The following SEMA3E variants were observed in gnomAD, a reference collection of about 807,000 sequenced individuals.
SEMA3E encodes semaphorin-3E.
SEMA3E carries 49 observed loss-of-function variants against 93.6 expected under a neutral mutation model. The ratio of observed to expected loss-of-function variants is 0.52; its 90% CI spans 0.42 to 0.66. The LOEUF (loss-of-function observed/expected upper bound fraction) is 0.66. Ranked by LOEUF, SEMA3E falls within the 30% of genes least tolerant of loss-of-function variation. The pLI is 0.00. For missense variants in SEMA3E, 906 were observed against 964.8 expected, an observed-to-expected ratio of 0.94 and a Z score of 0.81; for synonymous variants, 363 against 330.7, an observed-to-expected ratio of 1.10 and a Z score of -1.06.
Position 83,588,682 on chromosome 7 carries a change from C to T in SEMA3E, c.115+59746G>A, listed in dbSNP as rs215307. On this transcript the variant is annotated intron_variant, in intron 1 of 16. Coordinates refer to ENST00000643230, the MANE Select transcript of SEMA3E (RefSeq NM_012431.3). ...GAACCTTTTTCCTCTATCCTACTCA[C>T]CTTAAAATGATTTAATTTTGATCCT... 4.2e-3 allele frequency among the ~76,000 whole-genome samples: 642 copies of T among 152,254 alleles called. 3 individuals are homozygous for T. Among genetic ancestry groups the T allele is most frequent in the African/African-American group, 0.015 (607 of 41,548 alleles).
intron 1 of SEMA3E, among the ~76,000 whole-genome samples, chr7:83,612,266 T>A (rs1793281502): frequency 6.6e-6 from 1 of 152,180 alleles, no homozygotes. Context: ...ATAAGTTTAA[T>A]TAGGGCAGGA....
At chr7:83,450,661 T>C (rs1789340297) in intron 4 of SEMA3E, among the ~76,000 whole-genome samples, 1 of 152,102 alleles carries the variant, frequency 6.6e-6, no homozygotes, top group Admixed American at 6.6e-5. Context: ...ATCTAGATGC[T>C]GCTTAAATTG....
chr7:83,599,697 G>C (rs1792943312), intron 1 of SEMA3E, among the ~76,000 whole-genome samples: 1 of 152,082 alleles, frequency 6.6e-6, no homozygotes, highest in African/African-American at 2.4e-5. Context: ...TAGAACTACA[G>C]AATGGTATGA....
intron 4 of SEMA3E, chr7:83,462,181 CA>C (rs1191870206): frequency 6.6e-6 from 1 of 152,222 alleles, no homozygotes; most frequent in Non-Finnish European, 1.5e-5. Context: ...TTATGGACGC[CA>C]AGCTTTGGGT....
intron 1 of SEMA3E, among the ~76,000 whole-genome samples, chr7:83,525,423 G>A (rs992038695): frequency 5.9e-5 from 9 of 152,000 alleles, no homozygotes; most frequent in Non-Finnish European, 1.2e-4. Context: ...ACTAAAAAAA[G>A]TATTCAATTA....
chr7:83,436,410 G>A (rs1461066208), intron 4 of SEMA3E, among the ~76,000 whole-genome samples: 1 of 151,474 alleles, frequency 6.6e-6, no homozygotes, highest in Non-Finnish European at 1.5e-5. Context: ...TGGCAGATAA[G>A]AAAGATGAAG....
intron 1 of SEMA3E, among the ~76,000 whole-genome samples, chr7:83,499,698 A>ATAGAGTTTTTAG (rs1456483338): frequency 3.9e-5 from 6 of 152,336 alleles, no homozygotes; most frequent in Admixed American, 2.6e-4. Flanking sequence ...ATTTTAAAAA[A>ATAGAGTTTTTAG]TAGAGTTAAT....
rs563731321 is a variant in SEMA3E, at chr7:83,619,482, C to T, written c.115+28946G>A. Among the ~76,000 whole-genome samples, 8 of 151,892 alleles carry T rather than the reference C, an allele frequency of 5.3e-5. No homozygotes were observed. The East Asian group carries it at 1.5e-3, about 29-fold the overall frequency. ...AATGTGATCCCTTGAGCTACAACAACCTATTATTAACACATTTTTGTTATT... is the reference window on the plus strand; with the variant it reads ...AATGTGATCCCTTGAGCTACAACAATCTATTATTAACACATTTTTGTTATT... On this transcript the variant is annotated intron_variant, in intron 1 of 16. Coordinates refer to ENST00000643230, the MANE Select transcript of SEMA3E (RefSeq NM_012431.3).
chr7:83,458,677 C>T (rs1056208507), intron 4 of SEMA3E, among the ~76,000 whole-genome samples: 3 of 151,744 alleles, frequency 2.0e-5, no homozygotes, highest in African/African-American at 4.8e-5. Flanking sequence ...GTACATCCAA[C>T]GGGGTGAGCT....
chr7:83,578,147 T>TAAAA (rs35666333), intron 1 of SEMA3E, among the ~76,000 whole-genome samples: 7 of 150,516 alleles, frequency 4.7e-5, no homozygotes, highest in Admixed American at 1.3e-4. Context: ...GTTTTCTCAT[T>TAAAA]AAAAAAAAAC....
At chr7:83,408,601 A>G (rs1357389871) in intron 5 of SEMA3E, 114 bp from the exon 6 acceptor site, 9 of 1,178,410 alleles carry the variant, frequency 7.6e-6, no homozygotes, top group Non-Finnish European at 9.8e-6. Flanking sequence ...CATTAATACT[A>G]TTGCTGTTAG....
At chr7:83,498,991 A>G (rs1165107464) in intron 1 of SEMA3E, among the ~76,000 whole-genome samples, 2 of 151,954 alleles carry the variant, frequency 1.3e-5, no homozygotes, top group African/African-American at 4.8e-5. Flanking sequence ...TTAATTCTCA[A>G]CTTTTTTACA....
At chr7:83,452,875 G>T (rs1789393997) in intron 4 of SEMA3E, among the ~76,000 whole-genome samples, 1 of 152,132 alleles carries the variant, frequency 6.6e-6, no homozygotes, top group African/African-American at 2.4e-5. Context: ...ACACAGCACT[G>T]CCTTTTCTAT....
chr7:83,582,659 T>C (rs1792537724), intron 1 of SEMA3E, among the ~76,000 whole-genome samples: 1 of 152,118 alleles, frequency 6.6e-6, no homozygotes, highest in African/African-American at 2.4e-5. Context: ...TAATATCTAT[T>C]TGGATTGGCA....
chr7:83,515,702 C>T (rs1790912570), intron 1 of SEMA3E, among the ~76,000 whole-genome samples: 1 of 152,140 alleles, frequency 6.6e-6, no homozygotes, highest in African/African-American at 2.4e-5. Flanking sequence ...TGTAATATTT[C>T]TTTCTCCCAA....
At chr7:83,611,698 C>T (rs969098260) in intron 1 of SEMA3E, among the ~76,000 whole-genome samples, 4 of 151,716 alleles carry the variant, frequency 2.6e-5, no homozygotes, top group Non-Finnish European at 2.9e-5. Flanking sequence ...TTCTTTCTTC[C>T]TTCATCAATA....
intron 4 of SEMA3E, among the ~76,000 whole-genome samples, chr7:83,443,182 T>C (rs1040382770): frequency 6.6e-6 from 1 of 152,010 alleles, no homozygotes; most frequent in Non-Finnish European, 1.5e-5. Flanking sequence ...GGTAGTGGAG[T>C]ACCTTTGTAC....
At chr7:83,474,990 ATAT>A (rs1309192437) in intron 2 of SEMA3E, among the ~76,000 whole-genome samples, 2 of 150,778 alleles carry the variant, frequency 1.3e-5, no homozygotes, top group Non-Finnish European at 3.0e-5. Context: ...ATATGTATAC[ATAT>A]TTATTATATA....
intron 1 of SEMA3E, among the ~76,000 whole-genome samples, chr7:83,577,516 A>T (rs528012942): frequency 6.6e-6 from 1 of 152,266 alleles, no homozygotes; most frequent in African/African-American, 2.4e-5. Flanking sequence ...TAGTGCATTT[A>T]TTTATTTTAC....
Sources: gnomAD v4.1 joint callset for allele counts (sites outside exome capture counted in the v4.1 genomes callset) on GRCh38, gnomAD v4.1.1 for gene constraint, MANE v1.5 for transcripts, NCBI Gene and HGNC (gene_info 2026-07-23, HGNC 2026-07-21) for gene names.